HEATR5B: variants seen among roughly 807,000 people sequenced by gnomAD.
The protein encoded by HEATR5B is HEAT repeat containing 5B.
Under a neutral mutation model 224.1 loss-of-function variants are expected in HEATR5B, and 156 were observed. That is an observed-to-expected ratio of 0.70 (90% CI 0.61 to 0.80). The LOEUF (loss-of-function observed/expected upper bound fraction) is 0.80. Ranked by LOEUF, HEATR5B falls within the 30% of genes least tolerant of loss-of-function variation. The pLI is 0.00. For synonymous variants in HEATR5B, 1,027 were observed against 893.0 expected (o/e 1.15, Z -2.68); for missense variants, 2,323 against 2,535.5 (o/e 0.92, Z 1.80).
chr2:37,058,056 C>G (rs1264233284), intron 14 of HEATR5B, among the ~76,000 whole-genome samples: 1 of 152,108 alleles, frequency 6.6e-6, no homozygotes, highest in Non-Finnish European at 1.5e-5. Context: ...TGCTATATTA[C>G]AGTATATAGG....
At chr2:37,016,347 G>A (rs950381223) in intron 26 of HEATR5B, among the ~76,000 whole-genome samples, 2 of 151,972 alleles carry the variant, frequency 1.3e-5, no homozygotes, top group Non-Finnish European at 2.9e-5. Flanking sequence ...TCCTGACCTC[G>A]TGATCTGCCT....
intron 27 of HEATR5B, among the ~76,000 whole-genome samples, chr2:37,010,173 C>T (rs1039598121): frequency 6.6e-6 from 1 of 151,822 alleles, no homozygotes; most frequent in Non-Finnish European, 1.5e-5. Context: ...AGCTGAATAA[C>T]GTATTAATGA....
chr2:37,069,529 A>C (rs868725365), intron 7 of HEATR5B, among the ~76,000 whole-genome samples: 13 of 152,222 alleles, frequency 8.5e-5, no homozygotes, highest in African/African-American at 3.1e-4. Flanking sequence ...CACTGATAGA[A>C]AATCCAATCA....
At chr2:37,045,140 A>G (rs575871825) in intron 18 of HEATR5B, among the ~76,000 whole-genome samples, 1 of 152,252 alleles carries the variant, frequency 6.6e-6, no homozygotes, top group African/African-American at 2.4e-5. Flanking sequence ...AATGTAAAGC[A>G]TATTTATAAT....
At chr2:37,048,570 C>G (rs1670346240) in intron 18 of HEATR5B, among the ~76,000 whole-genome samples, 1 of 152,088 alleles carries the variant, frequency 6.6e-6, no homozygotes, top group Admixed American at 6.5e-5. Flanking sequence ...CCTACTTCAC[C>G]TGTTATGAAC....
At chr2:37,082,132 C>T (rs1309882714) in intron 2 of HEATR5B, among the ~76,000 whole-genome samples, 1 of 117,372 alleles carries the variant, frequency 8.5e-6, no homozygotes, top group Non-Finnish European at 1.6e-5. Flanking sequence ...TGCATTAGTG[C>T]GATCTCGGCT....
In HEATR5B at chr2:37,068,912, T is replaced by A. The variant is rs936854957; in HGVS notation, c.946A>T (p.Thr316Ser). ...GVTQAYVVFV[T>S]TLGGQWLERS... ...TCCAACCACTGACCACCCAATGTTG[T>A]CACAAAAACAACATACGCCTGTAAA... The change falls in exon 8 of 36, where the codon ACA (threonine) becomes TCA (serine). Residue 316 changes from threonine to serine, a missense_variant. By Grantham distance (58) the Thr-to-Ser change is moderately conservative (BLOSUM62 1). Coordinates refer to ENST00000233099, the MANE Select transcript of HEATR5B (RefSeq NM_019024.3). 8.1e-6 allele frequency: 13 copies of A among 1,613,438 alleles called. No individual in the cohort carries two copies. Among genetic ancestry groups the A allele is most frequent in the Non-Finnish European group, 9.3e-6 (11 of 1,179,472 alleles).
intron 18 of HEATR5B, among the ~76,000 whole-genome samples, chr2:37,043,041 A>C (rs1669974893): frequency 6.6e-6 from 1 of 152,186 alleles, no homozygotes; most frequent in Non-Finnish European, 1.5e-5. Context: ...ATAATAGCCA[A>C]CAACATACAT....
At chr2:37,003,785 T>C in intron 30 of HEATR5B, 99 bp from the exon 31 acceptor site, 1 of 778,242 alleles carries the variant, frequency 1.3e-6, no homozygotes, top group Non-Finnish European at 1.9e-6. Flanking sequence ...AAAAAAGAAA[T>C]CAGGTAGCTA....
rs1336149250 is a variant in HEATR5B at position 37,027,985 on chromosome 2, T to C, written c.3791A>G (p.Asn1264Ser). The C allele has an allele frequency of 1.2e-6, 2 of 1,614,070 alleles. No homozygotes were observed. The highest frequency in any genetic ancestry group is 1.7e-6 in the Non-Finnish European group (2 of 1,180,008). ...CLCRIINLCE[N>S]ADQAHFDLAL... ...AAGATCAAAGTGAGCCTGGTCTGCATTCTCACACAAATTGATGATTCGACA... is the reference window on the plus strand; with the variant it reads ...AAGATCAAAGTGAGCCTGGTCTGCACTCTCACACAAATTGATGATTCGACA... The change falls in exon 24 of 36, where the codon AAT becomes AGT. Residue 1264 changes from asparagine to serine, a missense_variant. This residue lies in a region of HEATR5B where 339 missense variants were observed against 378.4 expected (regional missense o/e 0.90). Transcript: ENST00000233099.
chr2:37,062,427 C>G (rs1671340564), intron 10 of HEATR5B, among the ~76,000 whole-genome samples: 1 of 151,634 alleles, frequency 6.6e-6, no homozygotes, highest in Non-Finnish European at 1.5e-5. Flanking sequence ...GAGACTCCGT[C>G]TCCAAAAAAA....
At position 37,005,702 on chromosome 2, in the gene HEATR5B, G is replaced by C; in HGVS notation, c.4835C>G (p.Thr1612Arg). 2 of 1,611,460 alleles carry C rather than the reference G, an allele frequency of 1.2e-6. No individual in the cohort carries two copies. Among genetic ancestry groups the C allele is most frequent in the East Asian group, 2.2e-5 (1 of 44,850 alleles). The change falls in exon 30 of 36, where the codon ACA becomes AGA. Residue 1612 changes from threonine to arginine, a missense_variant. By Grantham distance (71) the Thr-to-Arg change is moderately conservative. This residue lies in a region of HEATR5B where 844 missense variants were observed against 812.9 expected (regional missense o/e 1.04). Transcript: ENST00000233099. ...GGTATGTAAGGCCTGCAGGCATGCTGTAACATGTTCAATGGGCTCCTCAGG... is the reference window on the plus strand; with the variant it reads ...GGTATGTAAGGCCTGCAGGCATGCTCTAACATGTTCAATGGGCTCCTCAGG... ...PRPEEPIEHV[T>R]ACLQALHTLL...
At chr2:37,063,238 A>G (rs957043083) in intron 10 of HEATR5B, among the ~76,000 whole-genome samples, 14 of 152,194 alleles carry the variant, frequency 9.2e-5, no homozygotes, top group African/African-American at 3.4e-4. Flanking sequence ...ATTAACATCC[A>G]CACAGAATGG....
chr2:37,023,056 A>G lies in HEATR5B; in HGVS notation c.3854-2220T>C, dbSNP rs114121314. ...GGAACTTTAAATAGCTATTATCAAT[A>G]TGTTTCCTATGTTCAAAGAGGGAAA... On this transcript the variant is annotated intron_variant, in intron 24 of 35. Coordinates refer to ENST00000233099, the MANE Select transcript of HEATR5B (RefSeq NM_019024.3). 8.7e-3 allele frequency among the ~76,000 whole-genome samples: 1,324 copies of G among 152,302 alleles called. 22 individuals are homozygous for G. The highest frequency in any genetic ancestry group is 0.03 in the African/African-American group (1,266 of 41,558).
At chr2:37,057,892 T>C (rs1457251131) in intron 14 of HEATR5B, among the ~76,000 whole-genome samples, 1 of 152,202 alleles carries the variant, frequency 6.6e-6, no homozygotes, top group African/African-American at 2.4e-5. Flanking sequence ...TTAAATGTGA[T>C]ATGATTATTA....
At chr2:37,026,927 T>C (rs916016611) in intron 24 of HEATR5B, among the ~76,000 whole-genome samples, 3 of 152,160 alleles carry the variant, frequency 2.0e-5, no homozygotes, top group Non-Finnish European at 4.4e-5. Flanking sequence ...GCCTCCTGAG[T>C]AGCTGGGACT....
intron 27 of HEATR5B, among the ~76,000 whole-genome samples, chr2:37,010,728 G>T (rs535546475): frequency 1.3e-5 from 2 of 152,028 alleles, no homozygotes; most frequent in African/African-American, 4.8e-5. Flanking sequence ...TGGCCAGGCT[G>T]GTCTCAAACT....
At chr2:36,985,601 G>T (rs1326683129) in intron 35 of HEATR5B, among the ~76,000 whole-genome samples, 1 of 147,382 alleles carries the variant, frequency 6.8e-6, no homozygotes, top group Non-Finnish European at 1.5e-5. Flanking sequence ...GGGACTACAG[G>T]CATGTGCCAC....
intron 5 of HEATR5B, among the ~76,000 whole-genome samples, chr2:37,073,708 AT>A (rs1217337121): frequency 1.3e-5 from 2 of 152,230 alleles, no homozygotes; most frequent in Non-Finnish European, 2.9e-5. Flanking sequence ...AAGACTTAAT[AT>A]TATTAGGATG....
Sources: gnomAD v4.1 joint callset for allele counts (sites outside exome capture counted in the v4.1 genomes callset) on GRCh38, gnomAD v4.1.1 for gene constraint, gnomAD v4.1.1 regional missense constraint, MANE v1.5 for transcripts, NCBI Gene and HGNC (gene_info 2026-07-23, HGNC 2026-07-21) for gene names.